The following MIGA1 variants were observed in gnomAD, a reference collection of about 807,000 sequenced individuals.
MIGA1 encodes mitoguardin 1, also known as family with sequence similarity 73, member A.
In MIGA1, 58 loss-of-function variants were observed where a neutral mutation model predicts 82.0. That is an observed-to-expected ratio of 0.71 (90% CI 0.57 to 0.88). The LOEUF (loss-of-function observed/expected upper bound fraction) is 0.88. Among genes scored for constraint, MIGA1 ranks in the 40% least tolerant of loss-of-function variants. The pLI, the probability that MIGA1 is intolerant of heterozygous loss-of-function variation, is 0.00. For synonymous variants in MIGA1, 249 were observed against 253.6 expected (o/e 0.98, Z 0.17); for missense variants, 751 against 749.1 (o/e 1.00, Z -0.03).
intron 8 of MIGA1, among the ~76,000 whole-genome samples, chr1:77,844,803 GA>G (rs1684775254): frequency 6.6e-6 from 1 of 152,126 alleles, no homozygotes; most frequent in African/African-American, 2.4e-5. Context: ...TCAATATGGT[GA>G]AACACCATCC....
intron 5 of MIGA1, among the ~76,000 whole-genome samples, 193 bp from the exon 6 acceptor site, chr1:77,813,541 T>G (rs1266029335): frequency 6.6e-6 from 1 of 152,216 alleles, no homozygotes; most frequent in Non-Finnish European, 1.5e-5. Context: ...TGTCTCTGAT[T>G]TTTGGTTAAC....
chr1:77,816,345 A>G (rs1443011018), intron 7 of MIGA1, among the ~76,000 whole-genome samples: 1 of 152,236 alleles, frequency 6.6e-6, no homozygotes, highest in Non-Finnish European at 1.5e-5. Context: ...ACAAAATTAC[A>G]TGGTTTTTTT....
At chr1:77,861,661 C>T (rs375553054) in intron 12 of MIGA1, 3 of 209,260 alleles carry the variant, frequency 1.4e-5, no homozygotes, top group East Asian at 1.3e-4. Context: ...TTGGGTAGTA[C>T]AACAGCAGCA....
At chr1:77,793,625 A>AG (rs1682525313) in intron 2 of MIGA1, among the ~76,000 whole-genome samples, 2 of 147,958 alleles carry the variant, frequency 1.4e-5, no homozygotes, top group South Asian at 4.3e-4. Flanking sequence ...ATGCCCAGCT[A>AG]ATTTTTTTTT....
In MIGA1 at chr1:77,853,499, C is replaced by G. The variant is rs372068786; in HGVS notation, c.997-5439C>G. The G allele has an allele frequency of 2.5e-5, 4 of 160,566 alleles. No individual in the cohort carries two copies. In the South Asian group the frequency reaches 6.7e-4, roughly 27 times the overall value. The allele number at this position is 160,566 out of a possible 1,614,324, so 9.9% of individuals were successfully genotyped here. Reference sequence around the variant, plus strand: ...ATCCCAGCACTTTGGGAGGCTGAGGCAGGAGGATCACTTAAGTCCAGGAGT... The same window carrying G: ...ATCCCAGCACTTTGGGAGGCTGAGGGAGGAGGATCACTTAAGTCCAGGAGT... On this transcript the variant is annotated intron_variant, in intron 8 of 15. Coordinates refer to ENST00000370791, the MANE Select transcript of MIGA1 (RefSeq NM_198549.4).
intron 8 of MIGA1, chr1:77,847,639 A>T (rs1041841736): frequency 1.9e-6 from 3 of 1,560,094 alleles, no homozygotes; most frequent in Non-Finnish European, 2.6e-6. Flanking sequence ...GCTGCGCTGG[A>T]AGCGTGTTTG....
intron 12 of MIGA1, among the ~76,000 whole-genome samples, chr1:77,863,565 C>G (rs1158137741): frequency 2.0e-5 from 3 of 152,122 alleles, no homozygotes; most frequent in Non-Finnish European, 4.4e-5. Context: ...TGTTCATGAT[C>G]TGGTGGGGAA....
chr1:77,830,359 T>G (rs534237532), intron 7 of MIGA1, among the ~76,000 whole-genome samples: 1 of 152,310 alleles, frequency 6.6e-6, no homozygotes, highest in South Asian at 2.1e-4. Context: ...TAAGTGGTTA[T>G]CTTTTTAAGT....
intron 7 of MIGA1, 54 bp from the exon 8 acceptor site, chr1:77,843,253 T>C: frequency 7.9e-7 from 1 of 1,272,602 alleles, no homozygotes; most frequent in East Asian, 2.3e-5. Flanking sequence ...GAATGTGAAA[T>C]ACCACAATGA....
intron 5 of MIGA1, chr1:77,811,250 A>C: frequency 6.3e-7 from 1 of 1,578,576 alleles, no homozygotes; most frequent in Non-Finnish European, 8.7e-7. Context: ...GCATCTTTCA[A>C]ACCAATTTTC....
At chr1:77,784,387 C>T (rs574489450) in intron 2 of MIGA1, among the ~76,000 whole-genome samples, 2 of 152,118 alleles carry the variant, frequency 1.3e-5, no homozygotes, top group Admixed American at 6.6e-5. Context: ...ACCATCTCTC[C>T]ACCAGTTTTT....
chr1:77,829,766 C>T (rs550977749), intron 7 of MIGA1, among the ~76,000 whole-genome samples: 97 of 152,050 alleles, frequency 6.4e-4, no homozygotes, highest in Non-Finnish European at 1.2e-3. Context: ...CCACTGCGCC[C>T]GGCCGTAGAA....
intron 8 of MIGA1, among the ~76,000 whole-genome samples, chr1:77,850,269 A>G (rs1684997418): frequency 6.6e-6 from 1 of 152,212 alleles, no homozygotes; most frequent in African/African-American, 2.4e-5. Context: ...GTTTTGACCT[A>G]TCCTCAGAAA....
chr1:77,872,456 C>G (rs1646854073), intron 14 of MIGA1, among the ~76,000 whole-genome samples: 1 of 151,904 alleles, frequency 6.6e-6, no homozygotes, highest in African/African-American at 2.4e-5. Context: ...AAAAAATTAG[C>G]CAGGAGGGGT....
Position 77,875,177 on chromosome 1 carries a change from G to A in MIGA1, c.*113G>A. The A allele has an allele frequency of 1.3e-5, 11 of 824,298 alleles. No individual in the cohort carries two copies. The highest frequency in any genetic ancestry group is 3.7e-4 in the Middle Eastern group (1 of 2,732). The allele number at this position is 824,298 out of a possible 1,614,324, so 51.1% of individuals were successfully genotyped here. ...AATTGATGCATGTGGATTCAGGGAGGAAAAAAAAATCTACTAAAAAATGAG... is the reference window on the plus strand; with the variant it reads ...AATTGATGCATGTGGATTCAGGGAGAAAAAAAAAATCTACTAAAAAATGAG... On this transcript the variant is annotated 3_prime_UTR_variant, in exon 16 of 16. Coordinates refer to ENST00000370791, the MANE Select transcript of MIGA1 (RefSeq NM_198549.4).
intron 7 of MIGA1, among the ~76,000 whole-genome samples, chr1:77,824,235 A>C (rs1683945431): frequency 1.3e-5 from 2 of 152,316 alleles, no homozygotes; most frequent in South Asian, 4.1e-4. Flanking sequence ...ATTCAAATGC[A>C]TTCCTAAGCT....
chr1:77,837,006 A>G (rs1684459680), intron 7 of MIGA1, among the ~76,000 whole-genome samples: 1 of 152,160 alleles, frequency 6.6e-6, no homozygotes, highest in Non-Finnish European at 1.5e-5. Context: ...GAAAGCACTT[A>G]GTATTACTTG....
At chr1:77,869,988 A>G (rs1685875225) in intron 14 of MIGA1, among the ~76,000 whole-genome samples, 1 of 117,216 alleles carries the variant, frequency 8.5e-6, no homozygotes, top group African/African-American at 3.3e-5. Context: ...TCCCTCCCGG[A>G]TGGGGCGACT....
At chr1:77,843,777 A>G (rs1684714026) in intron 8 of MIGA1, among the ~76,000 whole-genome samples, 1 of 152,106 alleles carries the variant, frequency 6.6e-6, no homozygotes, top group Admixed American at 6.6e-5. Context: ...TAAGAAGGTG[A>G]TCAGATTCAA....
Sources: allele counts gnomAD v4.1 joint callset (sites outside exome capture counted in the v4.1 genomes callset), GRCh38; gene constraint gnomAD v4.1.1; transcripts MANE v1.5; gene names NCBI Gene and HGNC (gene_info 2026-07-23, HGNC 2026-07-21).